Variants in TAF1D observed in about 807,000 individuals in gnomAD.
TAF1D encodes TATA-box binding protein associated factor, RNA polymerase I subunit D.
A neutral mutation model predicts 26.2 loss-of-function variants in TAF1D; 23 were observed. The observed-to-expected ratio is 0.88, with a 90% confidence interval of 0.63 to 1.25. The LOEUF (loss-of-function observed/expected upper bound fraction) is 1.25, where lower values mean the gene tolerates loss of function less well. Among genes scored for constraint, TAF1D ranks in the 50% most tolerant of loss-of-function variants. TAF1D has a pLI of 0.00. For synonymous variants in TAF1D, 100 were observed against 105.6 expected (o/e 0.95, Z 0.33); for missense variants, 299 against 322.0 (o/e 0.93, Z 0.55).
chr11:93,731,314 C>T (rs990399679), downstream of TAF1D: 9 of 343,872 alleles, frequency 2.6e-5, no homozygotes, highest in Non-Finnish European at 5.1e-5. Context: ...TATCCTGAAA[C>T]CCGGCACCCC....
At chr11:93,730,228 C>T in exon 12 of TAF1D, 3 of 1,551,154 alleles carry the variant, frequency 1.9e-6, no homozygotes, top group Non-Finnish European at 2.6e-6. Flanking sequence ...ATTCCTTCCA[C>T]AGAAAACACT....
chr11:93,734,503 C>A, downstream of TAF1D: 1 of 387,680 alleles, frequency 2.6e-6, no homozygotes, highest in South Asian at 1.9e-5. Context: ...TTTCAGAAAT[C>A]AGTATAAATG....
intron 1 of TAF1D, among the ~76,000 whole-genome samples, chr11:93,739,600 A>G (rs532880209): frequency 6.6e-6 from 1 of 152,252 alleles, no homozygotes; most frequent in Non-Finnish European, 1.5e-5. Context: ...ATCTTTCAAT[A>G]TAAGTAAAAA....
At chr11:93,736,878 G>C in intron 4 of TAF1D, 127 bp from the exon 5 acceptor site, 2 of 1,202,074 alleles carry the variant, frequency 1.7e-6, no homozygotes, top group Non-Finnish European at 2.3e-6. Flanking sequence ...TGAGAATTTT[G>C]TGTTCTGGAG....
At chr11:93,736,414 A>G (rs1475272943) in intron 5 of TAF1D, 110 bp from the exon 6 acceptor site, 1 of 1,432,354 alleles carries the variant, frequency 7.0e-7, no homozygotes, top group South Asian at 1.6e-5. Context: ...GACTACATGT[A>G]GATGTTAAAA....
intron 5 of TAF1D, 53 bp from the exon 6 acceptor site, chr11:93,736,357 G>A: frequency 1.3e-6 from 2 of 1,540,972 alleles, no homozygotes; most frequent in Non-Finnish European, 1.7e-6. Flanking sequence ...AAATAGTTTA[G>A]TAATTACATA....
downstream of TAF1D, chr11:93,731,172 A>G (rs1241418999): frequency 4.3e-6 from 2 of 462,660 alleles, no homozygotes; most frequent in East Asian, 5.6e-5. Context: ...GGCTTCTGTC[A>G]TCTCGTTTTA....
At chr11:93,733,826 T>C, downstream of TAF1D, 2 of 179,314 alleles carry the variant, frequency 1.1e-5, no homozygotes, top group South Asian at 1.9e-4. Context: ...AGCTAGTATT[T>C]ATACACATAA....
At chr11:93,734,311 A>G (rs1940179528), downstream of TAF1D, 2 of 223,322 alleles carry the variant, frequency 9.0e-6, no homozygotes, top group South Asian at 1.3e-4. Flanking sequence ...TTTGCATTAA[A>G]CCATAAAATC....
At position 93,739,150 on chromosome 11, in the gene TAF1D, A is replaced by T. The variant is rs549260720; in HGVS notation, c.68+87T>A. 2.4e-5 allele frequency: 26 copies of T among 1,096,798 alleles called. No individual in the cohort carries two copies. The South Asian group carries it at 3.9e-4, about 16-fold the overall frequency. The allele number at this position is 1,096,798 out of a possible 1,614,324, so 67.9% of individuals were successfully genotyped here. ...GAAATCTAGTTTTCCTTCTTTCCCA[A>T]TTCCTGAAAATTATCTTTACTGTCA... On this transcript the variant is annotated intron_variant, in intron 2 of 5. Transcript: ENST00000448108.
chr11:93,733,347 T>TA (rs1342554431), downstream of TAF1D: 1 of 518,958 alleles, frequency 1.9e-6, no homozygotes, highest in African/African-American at 1.9e-5. Flanking sequence ...AATTAAAACT[T>TA]ACCTAAGCGA....
downstream of TAF1D, chr11:93,732,254 T>C: frequency 2.1e-6 from 1 of 478,118 alleles, no homozygotes; most frequent in Non-Finnish European, 4.2e-6. Flanking sequence ...CTTTTTACTG[T>C]AGGTGGTGGG....
chr11:93,736,377 G>A (rs972394486), intron 5 of TAF1D, 73 bp from the exon 6 acceptor site: 1 of 1,483,368 alleles, frequency 6.7e-7, no homozygotes, highest in Admixed American at 2.7e-5. Flanking sequence ...ATAGCTGAAT[G>A]CCCTGGATTA....
intron 4 of TAF1D, 148 bp from the exon 5 acceptor site, chr11:93,736,899 G>T: frequency 9.1e-7 from 1 of 1,103,632 alleles, no homozygotes; most frequent in Non-Finnish European, 1.3e-6. Flanking sequence ...AATTCTAGAT[G>T]AACGGTGTGC....
At chr11:93,736,981 T>C (rs553516636) in intron 4 of TAF1D, 83 bp downstream of exon 4, 4 of 1,276,566 alleles carry the variant, frequency 3.1e-6, no homozygotes, top group East Asian at 5.2e-5. Context: ...AGTATAACTA[T>C]ATTAAAGGCA....
rs1413560398 is a variant in TAF1D at position 93,735,904 on chromosome 11, A to C, written c.*257T>G. Reference sequence around the variant, plus strand: ...ACAGGACACCTGTAAGCTCTTATTCAGAAATCAAATGACAATTTCTCAAAT... The same window carrying C: ...ACAGGACACCTGTAAGCTCTTATTCCGAAATCAAATGACAATTTCTCAAAT... On this transcript the variant is annotated 3_prime_UTR_variant, in exon 6 of 6. Transcript: ENST00000448108. The C allele has an allele frequency of 1.6e-6, 2 of 1,236,370 alleles. No homozygotes were observed. The highest frequency in any genetic ancestry group is 2.0e-6 in the Non-Finnish European group (2 of 987,590). 76.6% of individuals were successfully genotyped at this position (1,236,370 alleles called of 1,614,324 possible).
At chr11:93,733,258 C>G (rs375706835), downstream of TAF1D, 1 of 519,090 alleles carries the variant, frequency 1.9e-6, no homozygotes, top group Non-Finnish European at 3.8e-6. Context: ...AGTTCATGCC[C>G]GTTATCATTC....
chr11:93,736,974 A>G (rs1447026160), intron 4 of TAF1D, 90 bp downstream of exon 4: 16 of 1,223,142 alleles, frequency 1.3e-5, no homozygotes, highest in Non-Finnish European at 1.7e-5. Flanking sequence ...TTATTTAAGT[A>G]TAACTATATT....
At chr11:93,730,980 A>G (rs768454691), downstream of TAF1D, 4 of 513,878 alleles carry the variant, frequency 7.8e-6, no homozygotes, top group South Asian at 1.4e-5. Flanking sequence ...CAGTTAATCA[A>G]CTGTTCCCAA....
Sources: allele counts gnomAD v4.1 joint callset (sites outside exome capture counted in the v4.1 genomes callset), GRCh38; gene constraint gnomAD v4.1.1; transcripts MANE v1.5; gene names NCBI Gene and HGNC (gene_info 2026-07-23, HGNC 2026-07-21).